The following GRIP1 variants were observed in gnomAD, a reference collection of about 807,000 sequenced individuals.
GRIP1 encodes the protein glutamate receptor-interacting protein 1.
GRIP1 carries 45 observed loss-of-function variants against 129.9 expected under a neutral mutation model. The observed-to-expected ratio is 0.35, with a 90% CI of 0.27 to 0.44. The LOEUF is 0.44. Ranked by LOEUF, GRIP1 falls within the 20% of genes least tolerant of loss-of-function variation. GRIP1 has a pLI of 1.00. For synonymous variants in GRIP1, 530 were observed against 520.8 expected, an observed-to-expected ratio of 1.02 and a Z score of -0.24; for missense variants, 1,196 against 1,396.8, an observed-to-expected ratio of 0.86 and a Z score of 2.29.
intron 1 of GRIP1, among the ~76,000 whole-genome samples, chr12:66,626,021 C>T (rs2029975477): frequency 6.6e-6 from 1 of 152,006 alleles, no homozygotes; most frequent in Admixed American, 6.6e-5. Context: ...ATTCTCTAGG[C>T]AGAGGGAAGA....
intron 1 of GRIP1, among the ~76,000 whole-genome samples, chr12:66,707,835 TC>T (rs2136384733): frequency 6.6e-6 from 1 of 152,138 alleles, no homozygotes; most frequent in East Asian, 1.9e-4. Flanking sequence ...GTTACTGTTT[TC>T]CTGAATAATA....
intron 7 of GRIP1, among the ~76,000 whole-genome samples, chr12:66,491,010 T>TG (rs1290045892): frequency 6.6e-6 from 1 of 152,152 alleles, no homozygotes; most frequent in East Asian, 1.9e-4. Context: ...ACACTGTTGG[T>TG]GGGGGTGTAA....
At chr12:66,447,401 G>A (rs2058661909) in intron 11 of GRIP1, among the ~76,000 whole-genome samples, 1 of 152,160 alleles carries the variant, frequency 6.6e-6, no homozygotes, top group Non-Finnish European at 1.5e-5. Context: ...TATTTGTTGT[G>A]TGATATTTTG....
At chr12:66,548,139 G>T (rs889530907) in intron 2 of GRIP1, among the ~76,000 whole-genome samples, 2 of 152,212 alleles carry the variant, frequency 1.3e-5, no homozygotes, top group Non-Finnish European at 2.9e-5. Flanking sequence ...AGAGTGAAAT[G>T]AACATGTGTT....
intron 2 of GRIP1, among the ~76,000 whole-genome samples, chr12:66,549,013 A>T (rs7134262): frequency 0.32 from 48,867 of 152,094 alleles, 8,094 homozygotes; most frequent in Non-Finnish European, 0.36. Flanking sequence ...TTCTTGAAGT[A>T]CTATTAACTG....
At chr12:66,621,954 T>C (rs937980825) in intron 1 of GRIP1, among the ~76,000 whole-genome samples, 1 of 152,172 alleles carries the variant, frequency 6.6e-6, no homozygotes, top group African/African-American at 2.4e-5. Flanking sequence ...TGTTTTTGCT[T>C]TTGCTGTTGA....
At chr12:66,713,316 T>C (rs1411245431) in intron 1 of GRIP1, among the ~76,000 whole-genome samples, 2 of 152,026 alleles carry the variant, frequency 1.3e-5, no homozygotes, top group Non-Finnish European at 2.9e-5. Context: ...CATTTGTTTA[T>C]TGATCACCTA....
intron 2 of GRIP1, among the ~76,000 whole-genome samples, chr12:66,591,883 C>T (rs2139716915): frequency 6.6e-6 from 1 of 152,156 alleles, no homozygotes; most frequent in African/African-American, 2.4e-5. Flanking sequence ...CCTTGGCCTC[C>T]CAAAGTTCTG....
At chr12:66,404,535 G>A (rs1358193175) in intron 16 of GRIP1, among the ~76,000 whole-genome samples, 1 of 152,128 alleles carries the variant, frequency 6.6e-6, no homozygotes, top group South Asian at 2.1e-4. Context: ...GCCCCTCTGG[G>A]CTTCTGCTCC....
At chr12:66,991,150 G>A (rs2042389049) in intron 1 of GRIP1, among the ~76,000 whole-genome samples, 1 of 151,124 alleles carries the variant, frequency 6.6e-6, no homozygotes, top group South Asian at 2.1e-4. Flanking sequence ...GTGGGCGCCT[G>A]TAGTCCCAGC....
chr12:66,865,726 A>C (rs529028656), intron 1 of GRIP1, among the ~76,000 whole-genome samples: 2 of 152,176 alleles, frequency 1.3e-5, no homozygotes, highest in East Asian at 3.9e-4. Flanking sequence ...CTTCAGAGTG[A>C]AACAAATAAT....
At chr12:66,683,208 T>C (rs980603813), upstream of GRIP1, among the ~76,000 whole-genome samples, 2 of 152,134 alleles carry the variant, frequency 1.3e-5, no homozygotes, top group Non-Finnish European at 2.9e-5. Context: ...TCTTAGCTTA[T>C]TATAATCGGC....
At chr12:66,798,708 T>A (rs778466450) in intron 1 of GRIP1, among the ~76,000 whole-genome samples, 64 of 152,174 alleles carry the variant, frequency 4.2e-4, no homozygotes, top group Non-Finnish European at 7.9e-4. Flanking sequence ...GGTAGCTATA[T>A]TTGCAAACCA....
intron 1 of GRIP1, among the ~76,000 whole-genome samples, chr12:66,728,601 A>G (rs1012806023): frequency 1.3e-5 from 2 of 152,142 alleles, no homozygotes; most frequent in Non-Finnish European, 2.9e-5. Context: ...GTACTTTTAA[A>G]CCATTATACT....
rs368104068 is a variant in GRIP1 at position 66,677,907 on chromosome 12, T to C, written c.55+943A>G. On this transcript the variant is annotated intron_variant, in intron 1 of 24. Coordinates refer to ENST00000359742, the MANE Select transcript of GRIP1 (RefSeq NM_001366722.1). ...TCAGAGCTTCTAGAACATAATTATA[T>C]CCATTAATTACTCAACAGTACTCTA... 1.6e-4 allele frequency among the ~76,000 whole-genome samples: 25 copies of C among 152,284 alleles called. 1 individual carries two copies. The highest frequency in any genetic ancestry group is 5.5e-4 in the African/African-American group (23 of 41,564).
rs546604795 is a variant in GRIP1 at position 66,626,041 on chromosome 12, T to C, written c.56-29114A>G. On this transcript the variant is annotated intron_variant, in intron 1 of 24. Transcript: ENST00000359742. The stretch of plus-strand genomic sequence containing the variant: ...CTAGGCAGAGGGAAGAACAAGCTTA[T>C]CAGTCTCAAAAACACAAAACAGTTT... Among the ~76,000 whole-genome samples, 172 of 152,140 alleles carry C rather than the reference T, an allele frequency of 1.1e-3. 1 individual carries two copies. The highest frequency in any genetic ancestry group is 1.4e-3 in the Non-Finnish European group (96 of 67,990).
intron 1 of GRIP1, among the ~76,000 whole-genome samples, chr12:66,705,880 C>A (rs1160392292): frequency 6.6e-6 from 1 of 152,148 alleles, no homozygotes; most frequent in Admixed American, 6.5e-5. Flanking sequence ...TGGACCCCTT[C>A]CTCACACCTT....
chr12:66,750,712 A>C (rs143608651), intron 1 of GRIP1, among the ~76,000 whole-genome samples: 22 of 152,328 alleles, frequency 1.4e-4, no homozygotes, highest in Non-Finnish European at 2.9e-4. Flanking sequence ...AATCTGTTAC[A>C]TTAGAGGAGT....
chr12:66,675,228 G>A (rs2034271153), intron 1 of GRIP1, among the ~76,000 whole-genome samples: 1 of 152,134 alleles, frequency 6.6e-6, no homozygotes, highest in Non-Finnish European at 1.5e-5. Flanking sequence ...AATGAAAGGT[G>A]CCCAGAGCCG....
Sources: gnomAD v4.1 joint callset for allele counts (sites outside exome capture counted in the v4.1 genomes callset) on GRCh38, gnomAD v4.1.1 for gene constraint, MANE v1.5 for transcripts, NCBI Gene and HGNC (gene_info 2026-07-23, HGNC 2026-07-21) for gene names.